FBXL5: variants seen among roughly 807,000 people sequenced by gnomAD.
FBXL5 encodes the protein F-box/LRR-repeat protein 5.
In FBXL5, 26 loss-of-function variants were observed where a neutral mutation model predicts 78.3. The ratio of observed to expected loss-of-function variants is 0.33; its 90% CI spans 0.24 to 0.46. The LOEUF is 0.46. Among genes scored for constraint, FBXL5 ranks in the 20% least tolerant of loss-of-function variants. The pLI is 1.00. For synonymous variants in FBXL5, 295 were observed against 282.5 expected (o/e 1.04, Z -0.45); for missense variants, 710 against 829.2 (o/e 0.86, Z 1.77).
At chr4:15,614,873 AGGCT>A (rs1711612931) in intron 9 of FBXL5, among the ~76,000 whole-genome samples, 4 of 152,150 alleles carry the variant, frequency 2.6e-5, no homozygotes, top group African/African-American at 9.7e-5. Flanking sequence ...GGGCTGGCCA[AGGCT>A]AGAGCCCACT....
intron 1 of FBXL5, among the ~76,000 whole-genome samples, chr4:15,677,184 G>A (rs547657600): frequency 6.6e-6 from 1 of 152,168 alleles, no homozygotes; most frequent in South Asian, 2.1e-4. Flanking sequence ...GAACACAAGA[G>A]GCTTAAAAGA....
rs528826238 is a variant in FBXL5, at chr4:15,616,153, G to A, written c.1851-3739C>T. Among the ~76,000 whole-genome samples, 24 of 151,942 alleles carry A rather than the reference G, an allele frequency of 1.6e-4. No homozygotes were observed. In the East Asian group the frequency reaches 2.5e-3, roughly 16 times the overall value. On this transcript the variant is annotated intron_variant, in intron 9 of 10. Transcript: ENST00000341285. ...AAACCCACCAGATGCAAGAAACTCC[G>A]AACACATCTGAACATCAGGAGGGAC...
At chr4:15,610,524 A>G (rs1722178847) in intron 10 of FBXL5, among the ~76,000 whole-genome samples, 1 of 152,134 alleles carries the variant, frequency 6.6e-6, no homozygotes, top group African/African-American at 2.4e-5. Context: ...TACATTCAAC[A>G]AAAGGAATAT....
rs1199780094 is a variant in FBXL5 at position 15,604,539 on chromosome 4, T to C, written c.*1184A>G. 1 of 152,166 alleles carries C rather than the reference T, an allele frequency of 6.6e-6. No homozygotes were observed. The highest frequency in any genetic ancestry group is 1.5e-5 in the Non-Finnish European group (1 of 68,040). 9.4% of individuals were successfully genotyped at this position (152,166 alleles called of 1,614,324 possible). A position where few individuals can be genotyped will look rare whatever the true frequency, so the allele number is the denominator to read the frequency against. ...AAGAATTATCACAATATACGAGACA[T>C]GAAAGGAGAAGTTTTATTGGAAACA... On this transcript the variant is annotated 3_prime_UTR_variant, in exon 11 of 11. Transcript: ENST00000341285.
chr4:15,638,536 T>C lies in FBXL5; in HGVS notation c.555A>G (p.Lys185=). The change falls in exon 4 of 11, where the codon AAA becomes AAG. Residue 185 remains lysine, a synonymous_variant. Coordinates refer to ENST00000341285, the MANE Select transcript of FBXL5 (RefSeq NM_012161.4). ...TATCTGACTTTTCATCCACGGAATA[T>C]TTAAAAAACTTCTGTCGCTCTTCAG... ...NHAEERQKFF[K]YSVDEKSDKE... is the part of the protein sequence containing the mutation. 6.3e-7 allele frequency: 1 copy of C among 1,595,380 alleles called. No homozygotes were observed. Among genetic ancestry groups the C allele is most frequent in the Non-Finnish European group, 8.5e-7 (1 of 1,175,558 alleles).
chr4:15,672,310 C>T (rs189083312), intron 1 of FBXL5, among the ~76,000 whole-genome samples: 208 of 152,284 alleles, frequency 1.4e-3, no homozygotes, highest in Middle Eastern at 6.8e-3. Context: ...TCTCTGAGCA[C>T]GACACAATTA....
upstream of FBXL5, among the ~76,000 whole-genome samples, chr4:15,658,579 T>C (rs187784103): frequency 2.9e-4 from 44 of 152,268 alleles, no homozygotes; most frequent in East Asian, 8.5e-3. Flanking sequence ...TCCCTCGCCA[T>C]GTGATGTCCT....
At chr4:15,641,814 G>T in intron 2 of FBXL5, among the ~76,000 whole-genome samples, 1 of 152,068 alleles carries the variant, frequency 6.6e-6, no homozygotes, top group East Asian at 1.9e-4. Flanking sequence ...ATCACCTGAG[G>T]TCAGGAGTTC....
chr4:15,670,329 G>A (rs1445771612), intron 1 of FBXL5, among the ~76,000 whole-genome samples: 2 of 152,182 alleles, frequency 1.3e-5, no homozygotes, highest in African/African-American at 2.4e-5. Flanking sequence ...TAACTTTACA[G>A]GAAACAGTCA....
intron 1 of FBXL5, among the ~76,000 whole-genome samples, chr4:15,650,050 G>C (rs561710703): frequency 2.1e-4 from 32 of 152,272 alleles, no homozygotes; most frequent in African/African-American, 7.0e-4. Context: ...CACCAAGGCA[G>C]TAATTTTGCC....
chr4:15,670,625 G>A (rs1354637843), intron 1 of FBXL5, among the ~76,000 whole-genome samples: 1 of 151,326 alleles, frequency 6.6e-6, no homozygotes, highest in Non-Finnish European at 1.5e-5. Flanking sequence ...TATGTCCCCT[G>A]CCCCTGGGCC....
chr4:15,615,717 G>T (rs1711775057), intron 9 of FBXL5, among the ~76,000 whole-genome samples: 1 of 151,272 alleles, frequency 6.6e-6, no homozygotes, highest in South Asian at 2.1e-4. Context: ...CTAACCTGAT[G>T]GGGACGTGGA....
At chr4:15,631,115 T>C (rs1436561979) in intron 5 of FBXL5, among the ~76,000 whole-genome samples, 1 of 152,154 alleles carries the variant, frequency 6.6e-6, no homozygotes, top group Non-Finnish European at 1.5e-5. Context: ...CCCCACCCTG[T>C]GTCCAAGTGT....
At chr4:15,617,166 C>G (rs1430135238) in intron 9 of FBXL5, among the ~76,000 whole-genome samples, 1 of 152,160 alleles carries the variant, frequency 6.6e-6, no homozygotes, top group African/African-American at 2.4e-5. Context: ...ATATGCATGC[C>G]TATTTTTATT....
At chr4:15,675,722 C>T (rs1407918279) in intron 1 of FBXL5, among the ~76,000 whole-genome samples, 1 of 151,878 alleles carries the variant, frequency 6.6e-6, no homozygotes, top group African/African-American at 2.4e-5. Context: ...GCTGGTATTA[C>T]TGGCACCTGA....
At chr4:15,679,562 C>CAA (rs1202369624) in intron 1 of FBXL5, among the ~76,000 whole-genome samples, 182 of 94,380 alleles carry the variant, frequency 1.9e-3, no homozygotes, top group Middle Eastern at 6.3e-3. Context: ...AGTTCAGGAA[C>CAA]AAAAAAAAAA....
intron 1 of FBXL5, among the ~76,000 whole-genome samples, chr4:15,676,091 A>G (rs1717983254): frequency 6.6e-6 from 1 of 152,232 alleles, no homozygotes; most frequent in Non-Finnish European, 1.5e-5. Flanking sequence ...ATCTAAAACC[A>G]GAAAGGAGGT....
upstream of FBXL5, among the ~76,000 whole-genome samples, chr4:15,663,238 T>C (rs2148777421): frequency 6.6e-6 from 1 of 152,344 alleles, no homozygotes; most frequent in African/African-American, 2.4e-5. Context: ...TAGTCATTCA[T>C]TATTGAAAAA....
rs918979492 is a variant in FBXL5, at chr4:15,637,285, T to C, written c.584-609A>G. On this transcript the variant is annotated intron_variant, in intron 4 of 10. Transcript: ENST00000341285. The stretch of plus-strand genomic sequence containing the variant: ...TAGATATTTCTGATGTTCTTTCACA[T>C]TGATAATGAAACTTTTGTCAGCAAC... Among the ~76,000 whole-genome samples, 10 of 152,344 alleles carry C rather than the reference T, an allele frequency of 6.6e-5. No homozygotes were observed. The East Asian group carries it at 1.4e-3, about 21-fold the overall frequency.
Sources: allele counts gnomAD v4.1 joint callset (sites outside exome capture counted in the v4.1 genomes callset), GRCh38; gene constraint gnomAD v4.1.1; transcripts MANE v1.5; gene names NCBI Gene and HGNC (gene_info 2026-07-23, HGNC 2026-07-21).